NR2C1: variants seen among roughly 807,000 people sequenced by gnomAD.
The protein encoded by NR2C1 is nuclear receptor subfamily 2 group C member 1.
In NR2C1, 33 loss-of-function variants were observed where a neutral mutation model predicts 74.8. That is an observed-to-expected ratio of 0.44 (90% CI 0.33 to 0.59). The LOEUF (loss-of-function observed/expected upper bound fraction) is 0.59, where lower values mean the gene tolerates loss of function less well. Ranked by LOEUF, NR2C1 falls within the 20% of genes least tolerant of loss-of-function variation. The pLI is 0.02. For missense variants in NR2C1, 568 were observed against 715.6 expected, an observed-to-expected ratio of 0.79 and a Z score of 2.35; for synonymous variants, 225 against 240.6, an observed-to-expected ratio of 0.94 and a Z score of 0.60.
intron 9 of NR2C1, among the ~76,000 whole-genome samples, chr12:95,042,329 C>T (rs1197085527): frequency 6.6e-6 from 1 of 151,414 alleles, no homozygotes; most frequent in East Asian, 1.9e-4. Flanking sequence ...CCTTCCTCAG[C>T]CTCCCCAGTA....
rs11107879 is a variant in NR2C1 at position 95,058,168 on chromosome 12, C to T, written c.544+142G>A. The stretch of plus-strand genomic sequence containing the variant: ...AGTTGAATAAATAAAAAAGTACATA[C>T]GTAGGTCTGTATTCTTATATTTTTA... On this transcript the variant is annotated intron_variant, in intron 5 of 13. Transcript: ENST00000333003. 7.0e-5 allele frequency: 50 copies of T among 718,496 alleles called. No homozygotes were observed. The South Asian group carries it at 1.0e-3, about 14-fold the overall frequency. 44.5% of individuals were successfully genotyped at this position (718,496 alleles called of 1,614,324 possible). A position where few individuals can be genotyped will look rare whatever the true frequency, so the allele number is the denominator to read the frequency against.
chr12:95,058,287 T>G, intron 5 of NR2C1, 23 bp downstream of exon 5: 1 of 1,567,594 alleles, frequency 6.4e-7, no homozygotes, highest in Non-Finnish European at 8.6e-7. Context: ...AAAAGTATTT[T>G]CTCCTTAAAA....
In NR2C1 at chr12:95,022,176, G is replaced by A; in HGVS notation, c.*53C>T. On this transcript the variant is annotated 3_prime_UTR_variant, in exon 14 of 14. Transcript: ENST00000333003. ...TCAAAAGCAGTGAGTTCAATTTGGT[G>A]TCTTGTGTTCTGGCAAAGAACAGTT... 2 of 1,395,834 alleles carry A rather than the reference G, an allele frequency of 1.4e-6. No individual in the cohort carries two copies. The highest frequency in any genetic ancestry group is 1.9e-6 in the Non-Finnish European group (2 of 1,043,298). The allele number at this position is 1,395,834 out of a possible 1,614,324, so 86.5% of individuals were successfully genotyped here.
intron 2 of NR2C1, among the ~76,000 whole-genome samples, chr12:95,066,716 C>A (rs1875758729): frequency 6.6e-6 from 1 of 152,166 alleles, no homozygotes; most frequent in Non-Finnish European, 1.5e-5. Flanking sequence ...GAGTTATGTA[C>A]ACCTTATAAA....
chr12:95,055,082 C>A (rs55655100), intron 7 of NR2C1, among the ~76,000 whole-genome samples: 2 of 152,136 alleles, frequency 1.3e-5, no homozygotes, highest in East Asian at 1.9e-4. Flanking sequence ...GTAAGGTCAC[C>A]GATCAACAGG....
At chr12:95,072,216 C>G (rs887415098) in intron 1 of NR2C1, among the ~76,000 whole-genome samples, 4 of 149,800 alleles carry the variant, frequency 2.7e-5, no homozygotes, top group African/African-American at 9.8e-5. Flanking sequence ...ATCACGAGGT[C>G]AGAGTATCAA....
Position 95,049,236 on chromosome 12 carries a change from G to T in NR2C1, c.966-3C>A. ...CTTTTGCAAGAGTGTCAAATGCCCT[G>T]TATGAAGACATCAGAAGCTATGAGC... is the stretch of plus-strand genomic sequence containing the variant. On this transcript the variant is annotated splice_polypyrimidine_tract_variant and splice_region_variant and intron_variant, in intron 8 of 13. Coordinates refer to ENST00000333003, the MANE Select transcript of NR2C1 (RefSeq NM_003297.4). 1 of 1,612,194 alleles carries T rather than the reference G, an allele frequency of 6.2e-7. No individual in the cohort carries two copies.
chr12:95,023,359 G>C (rs530232827), intron 13 of NR2C1, among the ~76,000 whole-genome samples: 1 of 152,148 alleles, frequency 6.6e-6, no homozygotes, highest in Non-Finnish European at 1.5e-5. Context: ...ACTCCAGCCT[G>C]GGTGACAGAC....
chr12:95,030,715 C>T, intron 11 of NR2C1: 2 of 1,601,744 alleles, frequency 1.2e-6, no homozygotes, highest in Non-Finnish European at 1.7e-6. Context: ...AAAAGGTAGT[C>T]CCCAATTTAT....
chr12:95,025,277 T>C (rs756878675), intron 12 of NR2C1, 22 bp from the exon 13 acceptor site: 1 of 1,251,676 alleles, frequency 8.0e-7, no homozygotes, highest in Non-Finnish European at 1.2e-6. Context: ...AAGAAAACAT[T>C]GGTACCCTAG....
chr12:95,025,708 T>C (rs1040575524), intron 12 of NR2C1, among the ~76,000 whole-genome samples: 1 of 148,656 alleles, frequency 6.7e-6, no homozygotes, highest in African/African-American at 2.5e-5. Flanking sequence ...TCCACAAATA[T>C]TGATTGAGGC....
At chr12:95,040,837 G>A (rs1017635253) in intron 9 of NR2C1, among the ~76,000 whole-genome samples, 3 of 152,214 alleles carry the variant, frequency 2.0e-5, no homozygotes, top group East Asian at 1.9e-4. Flanking sequence ...AAATATCAAC[G>A]ATGATATTAT....
chr12:95,037,749 G>T (rs1318344620), intron 10 of NR2C1, among the ~76,000 whole-genome samples: 5 of 152,034 alleles, frequency 3.3e-5, no homozygotes, highest in African/African-American at 1.2e-4. Context: ...CAAAAAATTA[G>T]CCGGGTGTGG....
At chr12:95,034,617 C>A (rs1870583625) in intron 10 of NR2C1, among the ~76,000 whole-genome samples, 1 of 152,188 alleles carries the variant, frequency 6.6e-6, no homozygotes, top group Non-Finnish European at 1.5e-5. Flanking sequence ...ATGCATAGCA[C>A]AATGTTTTAG....
chr12:95,044,958 T>A (rs768757150), intron 9 of NR2C1, among the ~76,000 whole-genome samples: 2 of 151,822 alleles, frequency 1.3e-5, no homozygotes, highest in Non-Finnish European at 2.9e-5. Context: ...TCAGCACTTT[T>A]GGGAGGTCGA....
rs560748262 is a variant in NR2C1 at position 95,021,144 on chromosome 12, C to G, written c.*1085G>C. The G allele has an allele frequency of 5.3e-5, 8 of 152,088 alleles. No homozygotes were observed. Among genetic ancestry groups the G allele is most frequent in the African/African-American group, 1.7e-4 (7 of 41,506 alleles). 9.4% of individuals were successfully genotyped at this position (152,088 alleles called of 1,614,324 possible). ...AGATCCTTTTTATGGAATGAAAGAG[C>G]AACAATTTAAATATCTTTTTTGAAA... On this transcript the variant is annotated 3_prime_UTR_variant, in exon 14 of 14. Transcript: ENST00000333003.
chr12:95,030,756 C>T (rs1869992521), intron 11 of NR2C1: 15 of 1,609,146 alleles, frequency 9.3e-6, no homozygotes, highest in Non-Finnish European at 1.3e-5. Context: ...AGGCAATTTT[C>T]CCCATTTGTT....
At chr12:95,064,564 G>A (rs916132192) in intron 2 of NR2C1, among the ~76,000 whole-genome samples, 11 of 151,960 alleles carry the variant, frequency 7.2e-5, no homozygotes, top group Admixed American at 3.9e-4. Context: ...AGACTGAAGG[G>A]GAATATGAAG....
At chr12:95,024,119 T>C (rs1344517686) in intron 13 of NR2C1, among the ~76,000 whole-genome samples, 1 of 152,198 alleles carries the variant, frequency 6.6e-6, no homozygotes, top group Non-Finnish European at 1.5e-5. Context: ...ATATTTAAGA[T>C]GAGACTGGCT....
Sources: gnomAD v4.1 joint callset for allele counts (sites outside exome capture counted in the v4.1 genomes callset) on GRCh38, gnomAD v4.1.1 for gene constraint, MANE v1.5 for transcripts, NCBI Gene and HGNC (gene_info 2026-07-23, HGNC 2026-07-21) for gene names.